Variants in CDH13 observed in about 807,000 individuals in gnomAD.
CDH13 encodes cadherin 13, also known as cadherin-13.
In CDH13, 24 loss-of-function variants were observed where a neutral mutation model predicts 63.8. The observed-to-expected ratio is 0.38, with a 90% CI of 0.27 to 0.53. The LOEUF (loss-of-function observed/expected upper bound fraction) is 0.53, where lower values mean the gene tolerates loss of function less well. Among genes scored for constraint, CDH13 ranks in the 20% least tolerant of loss-of-function variants. CDH13 has a pLI of 0.85. For synonymous variants in CDH13, 503 were observed against 355.3 expected (o/e 1.42, Z -4.67); for missense variants, 1,049 against 903.1 (o/e 1.16, Z -2.07).
At chr16:83,313,152 C>G (rs1200150367) in intron 5 of CDH13, among the ~76,000 whole-genome samples, 1 of 152,174 alleles carries the variant, frequency 6.6e-6, no homozygotes, top group African/African-American at 2.4e-5. Flanking sequence ...GTAAAAATCT[C>G]TCCTGAGCCA....
intron 4 of CDH13, among the ~76,000 whole-genome samples, chr16:83,185,288 G>T (rs772389083): frequency 4.6e-5 from 7 of 152,078 alleles, no homozygotes; most frequent in Non-Finnish European, 2.9e-5. Flanking sequence ...ATGTGAAAAA[G>T]AAATAAGAAT....
intron 13 of CDH13, among the ~76,000 whole-genome samples, chr16:83,786,282 A>G (rs1047031757): frequency 3.3e-5 from 5 of 152,186 alleles, no homozygotes; most frequent in African/African-American, 4.8e-5. Context: ...GCCGTACACA[A>G]TTGCCACTGT....
chr16:83,392,399 C>T (rs2091805824), intron 6 of CDH13, among the ~76,000 whole-genome samples: 1 of 152,180 alleles, frequency 6.6e-6, no homozygotes, highest in South Asian at 2.1e-4. Context: ...AAAATTATCA[C>T]TAATAAGTGC....
intron 2 of CDH13, among the ~76,000 whole-genome samples, chr16:82,981,395 A>AC (rs1910246387): frequency 6.6e-6 from 1 of 151,016 alleles, no homozygotes; most frequent in Non-Finnish European, 1.5e-5. Flanking sequence ...CCTCTCCTTG[A>AC]CCCCCTCCTT....
chr16:83,682,760 C>T (rs1428770689), intron 10 of CDH13, among the ~76,000 whole-genome samples: 1 of 152,146 alleles, frequency 6.6e-6, no homozygotes, highest in Admixed American at 6.5e-5. Flanking sequence ...TGACTCAGCT[C>T]CAACAACCCC....
intron 3 of CDH13, among the ~76,000 whole-genome samples, chr16:83,060,276 C>G (rs572579668): frequency 6.6e-6 from 1 of 152,258 alleles, no homozygotes; most frequent in Non-Finnish European, 1.5e-5. Context: ...GAATATAGGT[C>G]ATTTGTCCCA....
At chr16:83,628,343 A>T (rs1354383258) in intron 8 of CDH13, among the ~76,000 whole-genome samples, 2 of 152,158 alleles carry the variant, frequency 1.3e-5, no homozygotes, top group African/African-American at 4.8e-5. Flanking sequence ...CCTGAGCTCA[A>T]GTGGTCTGCC....
At chr16:82,877,443 G>C (rs930704226) in intron 2 of CDH13, among the ~76,000 whole-genome samples, 2 of 152,140 alleles carry the variant, frequency 1.3e-5, no homozygotes, top group South Asian at 2.1e-4. Flanking sequence ...TCAGTTGTTG[G>C]TCTTAAGCAC....
intron 1 of CDH13, among the ~76,000 whole-genome samples, chr16:82,850,705 T>A (rs904451003): frequency 6.6e-6 from 1 of 152,220 alleles, no homozygotes; most frequent in Admixed American, 6.5e-5. Context: ...GTTGTTTTCT[T>A]ATTTTAAGAA....
chr16:82,970,185 T>G (rs997241705), intron 2 of CDH13, among the ~76,000 whole-genome samples: 3 of 151,648 alleles, frequency 2.0e-5, no homozygotes, highest in Non-Finnish European at 4.4e-5. Context: ...GGTATTTGGT[T>G]TTCTGTTCTT....
At chr16:83,117,389 T>C (rs991400466) in intron 3 of CDH13, among the ~76,000 whole-genome samples, 4 of 132,974 alleles carry the variant, frequency 3.0e-5, no homozygotes, top group Admixed American at 8.1e-5. Context: ...CCATTCTTCC[T>C]CCATCTTCCA....
intron 6 of CDH13, among the ~76,000 whole-genome samples, chr16:83,430,672 T>C (rs1056224813): frequency 6.6e-6 from 1 of 152,188 alleles, no homozygotes; most frequent in African/African-American, 2.4e-5. Flanking sequence ...TAGGTTGAAA[T>C]TGTAAGAAAG....
At chr16:82,896,275 G>GTTT (rs2041252984) in intron 2 of CDH13, among the ~76,000 whole-genome samples, 1 of 73,276 alleles carries the variant, frequency 1.4e-5, no homozygotes, top group South Asian at 5.3e-4. Flanking sequence ...CTAGGATTAG[G>GTTT]ATTTTTTTTT....
At chr16:83,777,791 C>G (rs944800242) in intron 11 of CDH13, among the ~76,000 whole-genome samples, 9 of 152,134 alleles carry the variant, frequency 5.9e-5, no homozygotes, top group Admixed American at 3.9e-4. Context: ...TAACTGCAAA[C>G]TTAATATGCG....
intron 11 of CDH13, among the ~76,000 whole-genome samples, chr16:83,756,951 A>T (rs1383108681): frequency 3.3e-5 from 5 of 152,204 alleles, no homozygotes; most frequent in African/African-American, 1.2e-4. Context: ...CATATATAGA[A>T]CTCTGAACTC....
chr16:82,958,288 T>C (rs1246192220), intron 2 of CDH13, among the ~76,000 whole-genome samples: 1 of 152,136 alleles, frequency 6.6e-6, no homozygotes, highest in Non-Finnish European at 1.5e-5. Context: ...CTTAAAACTG[T>C]GTCTGATATA....
chr16:82,627,068 C>G lies in CDH13; in HGVS notation c.-25C>G, dbSNP rs749929331. 2 of 1,586,072 alleles carry G rather than the reference C, an allele frequency of 1.3e-6. No individual in the cohort carries two copies. The highest frequency in any genetic ancestry group is 1.3e-5 in the African/African-American group (1 of 74,288). ...CAGCCGCGTGCATGAATGAAAACGCCGCCGGGCGCTTCTAGTCGGACAAAA... is the reference window on the plus strand; with the variant it reads ...CAGCCGCGTGCATGAATGAAAACGCGGCCGGGCGCTTCTAGTCGGACAAAA... On this transcript the variant is annotated 5_prime_UTR_variant, in exon 1 of 14. Transcript: ENST00000567109.
chr16:83,504,576 G>A (rs1194685398), intron 7 of CDH13, among the ~76,000 whole-genome samples: 3 of 152,136 alleles, frequency 2.0e-5, no homozygotes, highest in East Asian at 1.9e-4. Flanking sequence ...CACGTTTTGG[G>A]ATTCTAGCAA....
intron 2 of CDH13, among the ~76,000 whole-genome samples, chr16:82,951,206 G>A (rs1236616147): frequency 6.6e-6 from 1 of 152,082 alleles, no homozygotes; most frequent in African/African-American, 2.4e-5. Context: ...TGGAATCATT[G>A]TGAGACTGTG....
Sources: gnomAD v4.1 joint callset for allele counts (sites outside exome capture counted in the v4.1 genomes callset) on GRCh38, gnomAD v4.1.1 for gene constraint, MANE v1.5 for transcripts, NCBI Gene and HGNC (gene_info 2026-07-23, HGNC 2026-07-21) for gene names.